RPGRIP1L: variants seen among roughly 807,000 people sequenced by gnomAD.
The protein encoded by RPGRIP1L is RPGRIP1 like.
A neutral mutation model predicts 160.4 loss-of-function variants in RPGRIP1L; 131 were observed. That is an observed-to-expected ratio of 0.82 (90% confidence interval 0.71 to 0.94). The LOEUF is 0.94. RPGRIP1L is among the 40% of genes least tolerant of loss of function. RPGRIP1L has a pLI of 0.00. For synonymous variants in RPGRIP1L, 510 were observed against 515.8 expected (o/e 0.99, Z 0.15); for missense variants, 1,522 against 1,535.8 (o/e 0.99, Z 0.15).
chr16:53,680,993 G>C (rs1969563748), intron 6 of RPGRIP1L, among the ~76,000 whole-genome samples: 1 of 152,182 alleles, frequency 6.6e-6, no homozygotes. Flanking sequence ...AAGGTTATGT[G>C]AGTGCTCACT....
intron 7 of RPGRIP1L, among the ~76,000 whole-genome samples, chr16:53,674,683 A>C (rs1646785120): frequency 6.6e-6 from 1 of 152,144 alleles, no homozygotes; most frequent in African/African-American, 2.4e-5. Flanking sequence ...ATATGGCAAA[A>C]CTTCAGTGCT....
At chr16:53,695,352 G>A (rs1395168285) in intron 3 of RPGRIP1L, 2 of 702,968 alleles carry the variant, frequency 2.8e-6, no homozygotes, top group Non-Finnish European at 5.2e-6. Flanking sequence ...GTGGGTTGTT[G>A]AAGTCCACAG....
chr16:53,629,121 A>G (rs188848830), intron 22 of RPGRIP1L, among the ~76,000 whole-genome samples: 22 of 152,284 alleles, frequency 1.4e-4, no homozygotes, highest in Non-Finnish European at 2.6e-4. Flanking sequence ...TCCTTTCACC[A>G]TCACTGAGAA....
intron 22 of RPGRIP1L, among the ~76,000 whole-genome samples, chr16:53,624,063 T>A (rs992310084): frequency 4.6e-5 from 7 of 152,130 alleles, no homozygotes; most frequent in Admixed American, 3.9e-4. Context: ...AGATATTTTT[T>A]AAATTTTTTG....
intron 6 of RPGRIP1L, among the ~76,000 whole-genome samples, chr16:53,679,513 G>A (rs756794979): frequency 5.3e-5 from 8 of 151,920 alleles, no homozygotes; most frequent in Admixed American, 6.6e-5. Context: ...TGATTCTCCT[G>A]CCTCAGCCTC....
rs146197239 is a variant in RPGRIP1L, at chr16:53,641,352, A to C, written c.2807T>G (p.Ile936Ser). 609 of 1,614,110 alleles carry C rather than the reference A, an allele frequency of 3.8e-4. 3 individuals carry two copies. In the African/African-American group the frequency reaches 7.4e-3, roughly 20 times the overall value. ...SITTEDLGNF[I>S]RSEEPEVVQR... ...AACAACTTCTGGCTCTTCGCTGCGA[A>C]TGAAATTTCCTAAGTCTTCAGTTGT... Residue 936 changes from isoleucine (I) to serine (S), a missense_variant, in exon 18 of 27, where the codon ATT (isoleucine) becomes AGT (serine). By Grantham distance (142) the Ile-to-Ser change is moderately radical. Coordinates refer to ENST00000647211, the MANE Select transcript of RPGRIP1L (RefSeq NM_015272.5).
chr16:53,626,864 C>A (rs1417299598), intron 22 of RPGRIP1L, among the ~76,000 whole-genome samples: 1 of 149,890 alleles, frequency 6.7e-6, no homozygotes, highest in African/African-American at 2.5e-5. Context: ...CAAATCAGAA[C>A]TCCATGCAAC....
intron 25 of RPGRIP1L, among the ~76,000 whole-genome samples, chr16:53,608,560 G>A (rs751691447): frequency 1.3e-5 from 2 of 152,114 alleles, no homozygotes; most frequent in Non-Finnish European, 2.9e-5. Flanking sequence ...AAAGTGACAC[G>A]TGTATATTTG....
chr16:53,614,309 TCTAGC>T (rs1208672629), intron 24 of RPGRIP1L, among the ~76,000 whole-genome samples: 4 of 152,238 alleles, frequency 2.6e-5, no homozygotes, highest in African/African-American at 9.6e-5. Context: ...GGCATCTTTA[TCTAGC>T]CCAGTGGTTC....
chr16:53,644,423 A>G (rs1202265175), intron 17 of RPGRIP1L, among the ~76,000 whole-genome samples: 1 of 152,218 alleles, frequency 6.6e-6, no homozygotes, highest in Non-Finnish European at 1.5e-5. Context: ...AAAATAACTG[A>G]AAAAATAATG....
intron 2 of RPGRIP1L, among the ~76,000 whole-genome samples, chr16:53,697,187 CAA>C (rs889148406): frequency 1.9e-5 from 2 of 107,532 alleles, no homozygotes. Flanking sequence ...GACTCTGTCT[CAA>C]AAAAAAAAAA....
In RPGRIP1L at chr16:53,652,988, C is replaced by T. The variant is rs1057520790; in HGVS notation, c.1700-1G>A. 6.2e-7 allele frequency: 1 copy of T among 1,609,774 alleles called. No homozygotes were observed. Among genetic ancestry groups the T allele is most frequent in the Non-Finnish European group, 8.5e-7 (1 of 1,177,244 alleles). On this transcript the variant is annotated splice_acceptor_variant, in intron 14 of 26. Coordinates refer to ENST00000647211, the MANE Select transcript of RPGRIP1L (RefSeq NM_015272.5). LOFTEE classifies it high-confidence loss of function. ...CCATAGGCAATATCCTTTAATTGGG[C>T]TGCAAGAGAAGACACACAGTTTAGA... is the stretch of plus-strand genomic sequence containing the variant.
At chr16:53,665,587 A>C (rs916193008) in intron 9 of RPGRIP1L, among the ~76,000 whole-genome samples, 3 of 152,222 alleles carry the variant, frequency 2.0e-5, no homozygotes, top group African/African-American at 7.2e-5. Context: ...AAACAGTTTT[A>C]GATGTAACAC....
chr16:53,685,279 T>C (rs543247223), intron 6 of RPGRIP1L, among the ~76,000 whole-genome samples: 20 of 152,330 alleles, frequency 1.3e-4, no homozygotes, highest in Admixed American at 3.3e-4. Flanking sequence ...GGTTCAACCA[T>C]TGTGTAAGAC....
intron 22 of RPGRIP1L, chr16:53,628,760 C>G (rs1012350372): frequency 1.3e-5 from 2 of 152,102 alleles, no homozygotes; most frequent in Admixed American, 6.5e-5. Context: ...CTATATTAAA[C>G]AAATAAGGTA....
At chr16:53,632,584 T>C (rs1303866640) in intron 22 of RPGRIP1L, among the ~76,000 whole-genome samples, 2 of 152,106 alleles carry the variant, frequency 1.3e-5, no homozygotes, top group African/African-American at 4.8e-5. Flanking sequence ...TGGGTGATCT[T>C]CTATCCCCAT....
chr16:53,636,952 AC>A, intron 21 of RPGRIP1L, among the ~76,000 whole-genome samples: 1 of 93,102 alleles, frequency 1.1e-5, no homozygotes, highest in Non-Finnish European at 2.2e-5. Context: ...ACACACACAC[AC>A]ACACACACAC....
In RPGRIP1L at chr16:53,631,031, C is replaced by T. The variant is rs192924672; in HGVS notation, c.3294+5408G>A. Among the ~76,000 whole-genome samples the T allele has an allele frequency of 2.6e-5, 4 of 152,288 alleles. No individual in the cohort carries two copies. In the East Asian group the frequency reaches 5.8e-4, roughly 22 times the overall value. On this transcript the variant is annotated intron_variant, in intron 22 of 26. Coordinates refer to ENST00000647211, the MANE Select transcript of RPGRIP1L (RefSeq NM_015272.5). ...TACAGGTGTGAGCCACCGCACCCGG[C>T]CAAGTAAAATATATTTTAAAACCTA...
At chr16:53,646,044 T>C in intron 16 of RPGRIP1L, 41 bp from the exon 17 acceptor site, 1 of 1,595,414 alleles carries the variant, frequency 6.3e-7, no homozygotes, top group Non-Finnish European at 8.6e-7. Context: ...AATAACACAG[T>C]TAAAAGATGA....
Sources: allele counts gnomAD v4.1 joint callset (sites outside exome capture counted in the v4.1 genomes callset), GRCh38; gene constraint gnomAD v4.1.1; transcripts MANE v1.5; gene names NCBI Gene and HGNC (gene_info 2026-07-23, HGNC 2026-07-21).